Variants in ZFP14 observed in about 807,000 individuals in gnomAD.
ZFP14 encodes zinc finger protein 14 homolog.
A neutral mutation model predicts 54.5 loss-of-function variants in ZFP14; 22 were observed. The observed-to-expected ratio is 0.40, with a 90% CI of 0.29 to 0.58. The LOEUF is 0.58. Among genes scored for constraint, ZFP14 ranks in the 20% least tolerant of loss-of-function variants. The probability of loss-of-function intolerance (pLI) is 0.39; values close to 1 mark genes in which losing one functional copy is unlikely to be tolerated. For missense variants in ZFP14, 470 were observed against 637.8 expected (o/e 0.74, Z 2.83); for synonymous variants, 159 against 204.0 (o/e 0.78, Z 1.88).
rs551670591 is a variant in ZFP14, at chr19:36,353,979, G to A, written c.235+6456C>T. ...AGTCCCAGCTACTTGGGAGGCTGAG[G>A]TGGGACGATCACTTGAACCCAGGAG... On this transcript the variant is annotated intron_variant, in intron 4 of 4. Transcript: ENST00000270001. Among the ~76,000 whole-genome samples the A allele has an allele frequency of 1.2e-4, 17 of 136,392 alleles. 4 individuals carry two copies. Among genetic ancestry groups the A allele is most frequent in the African/African-American group, 4.6e-4 (17 of 37,120 alleles). The allele number at this position is 136,392 out of a possible 152,430, so 89.5% of individuals were successfully genotyped here.
chr19:36,338,639 A>G lies in ZFP14; in HGVS notation c.*1585T>C, dbSNP rs1337878657. On this transcript the variant is annotated 3_prime_UTR_variant, in exon 5 of 5. Coordinates refer to ENST00000270001, the MANE Select transcript of ZFP14 (RefSeq NM_020917.3). ...GGGGACAAAGTGACACCCTGTCTCAAAAAAATTATACATTGGTGCTCTAGC... is the reference window on the plus strand; with the variant it reads ...GGGGACAAAGTGACACCCTGTCTCAGAAAAATTATACATTGGTGCTCTAGC... The G allele has an allele frequency of 6.6e-6, 1 of 152,182 alleles. No homozygotes were observed. The highest frequency in any genetic ancestry group is 6.5e-5 in the Admixed American group (1 of 15,268). 9.4% of individuals were successfully genotyped at this position (152,182 alleles called of 1,614,324 possible).
intron 2 of ZFP14, among the ~76,000 whole-genome samples, chr19:36,365,159 C>T (rs933291538): frequency 6.6e-6 from 1 of 151,892 alleles, no homozygotes; most frequent in African/African-American, 2.4e-5. Context: ...TGAGCCACTA[C>T]ACACGGCCTC....
At chr19:36,361,841 A>G (rs1207665762) in intron 3 of ZFP14, among the ~76,000 whole-genome samples, 1 of 152,172 alleles carries the variant, frequency 6.6e-6, no homozygotes, top group East Asian at 1.9e-4. Context: ...CTGAGCTCCA[A>G]TATAAGGTGA....
At chr19:36,370,152 G>A (rs1467547037) in intron 1 of ZFP14, among the ~76,000 whole-genome samples, 5 of 152,180 alleles carry the variant, frequency 3.3e-5, no homozygotes, top group African/African-American at 7.2e-5. Flanking sequence ...TCGCAGTACT[G>A]GGTTGTAGCA....
At chr19:36,354,469 CT>C (rs1465700005) in intron 4 of ZFP14, among the ~76,000 whole-genome samples, 12 of 141,818 alleles carry the variant, frequency 8.5e-5, no homozygotes, top group Non-Finnish European at 3.1e-5. Flanking sequence ...ACACCTTTCA[CT>C]TACCTTTTGA....
intron 3 of ZFP14, among the ~76,000 whole-genome samples, chr19:36,361,121 C>T (rs1019673759): frequency 1.3e-5 from 2 of 152,202 alleles, no homozygotes; most frequent in African/African-American, 4.8e-5. Flanking sequence ...TTTTTTGAGA[C>T]ATTCCCAGAT....
At position 36,340,080 on chromosome 19, in the gene ZFP14, A is replaced by G. The variant is rs1600063761; in HGVS notation, c.*144T>C. On this transcript the variant is annotated 3_prime_UTR_variant, in exon 5 of 5. Transcript: ENST00000270001. This position sits in a 1 kb window ranked among gnomAD's most constrained non-coding sequence, Gnocchi z 5.4. ...TTTGCTGAAGATAAACCATGTTTAA[A>G]TGGTGTTGGAAGGCTTTTAAATCAA... The G allele has an allele frequency of 2.4e-6, 2 of 822,316 alleles. No individual in the cohort carries two copies. Among genetic ancestry groups the G allele is most frequent in the East Asian group, 2.9e-5 (1 of 34,528 alleles). 50.9% of individuals were successfully genotyped at this position (822,316 alleles called of 1,614,324 possible). A position where few individuals can be genotyped will look rare whatever the true frequency, so the allele number is the denominator to read the frequency against.
chr19:36,361,510 G>A (rs961783492), intron 3 of ZFP14, among the ~76,000 whole-genome samples: 20 of 151,530 alleles, frequency 1.3e-4, no homozygotes, highest in African/African-American at 4.9e-4. Context: ...AAAGTGCTAG[G>A]ATTACAGGCA....
Position 36,337,739 on chromosome 19 carries a change from T to G in ZFP14, c.*2485A>C, listed in dbSNP as rs2031231684. On this transcript the variant is annotated 3_prime_UTR_variant, in exon 5 of 5. Transcript: ENST00000270001. ...GTAGATGGTGGTGTGGACTTCCTAT[T>G]GCATTACGTCAGGAAGTGTGTTGTC... The G allele has an allele frequency of 1.3e-5, 2 of 152,182 alleles. No homozygotes were observed. The allele number at this position is 152,182 out of a possible 1,614,324, so 9.4% of individuals were successfully genotyped here.
At chr19:36,355,840 A>C (rs1427049473) in intron 4 of ZFP14, among the ~76,000 whole-genome samples, 1 of 142,562 alleles carries the variant, frequency 7.0e-6, no homozygotes, top group African/African-American at 2.6e-5. Context: ...TAGAATTGTG[A>C]GAAAATACAT....
intron 1 of ZFP14, chr19:36,378,895 T>G (rs1468442376): frequency 6.6e-6 from 1 of 152,236 alleles, no homozygotes. Context: ...GGAGCTCGGG[T>G]AAAGCTGTGC....
At chr19:36,373,927 G>A (rs201249603) in intron 1 of ZFP14, among the ~76,000 whole-genome samples, 86 of 102,942 alleles carry the variant, frequency 8.4e-4, no homozygotes, top group East Asian at 1.1e-3. Flanking sequence ...AAAAAAAAAA[G>A]AAAAAAATGA....
chr19:36,341,062 G>A lies in ZFP14; in HGVS notation c.764C>T (p.Pro255Leu), dbSNP rs868692182. The change falls in exon 5 of 5, where the codon CCC becomes CTC. Residue 255 changes from proline to leucine, a missense_variant. Coordinates refer to ENST00000270001, the MANE Select transcript of ZFP14 (RefSeq NM_020917.3). The surrounding 1 kb of genome is among the most constrained non-coding windows in gnomAD (Gnocchi z 4.2). ...CTTTCCACATTCCTTACATTCATAGGGTTTTTCACCCGTATGAAGTCTCTG... is the reference window on the plus strand; with the variant it reads ...CTTTCCACATTCCTTACATTCATAGAGTTTTTCACCCGTATGAAGTCTCTG... ...QHQRLHTGEKPYECKECGKAF... is the reference protein window; with the variant it reads ...QHQRLHTGEKLYECKECGKAF... The A allele has an allele frequency of 1.9e-6, 3 of 1,613,750 alleles. No homozygotes were observed. The highest frequency in any genetic ancestry group is 1.7e-6 in the Non-Finnish European group (2 of 1,179,966).
intron 4 of ZFP14, among the ~76,000 whole-genome samples, chr19:36,349,909 T>C (rs2031496338): frequency 7.0e-6 from 1 of 143,008 alleles, no homozygotes; most frequent in South Asian, 2.2e-4. Flanking sequence ...CCCAACACTT[T>C]AGGAGGCCAA....
intron 4 of ZFP14, among the ~76,000 whole-genome samples, chr19:36,357,402 T>G (rs2031633454): frequency 6.6e-6 from 1 of 152,192 alleles, no homozygotes; most frequent in Non-Finnish European, 1.5e-5. Context: ...TACTCCCAAG[T>G]CATAAGTTGG....
At chr19:36,367,744 G>A (rs1453741627) in intron 2 of ZFP14, 140 bp downstream of exon 2, 19 of 947,812 alleles carry the variant, frequency 2.0e-5, no homozygotes, top group Middle Eastern at 3.6e-4. Flanking sequence ...GATTACAGGC[G>A]TGAGCCATTG....
chr19:36,376,544 C>CA (rs990224547), intron 1 of ZFP14, among the ~76,000 whole-genome samples: 11 of 130,946 alleles, frequency 8.4e-5, no homozygotes, highest in African/African-American at 2.0e-4. Flanking sequence ...AACTCTGTCT[C>CA]AAAAAAAAAG....
intron 4 of ZFP14, among the ~76,000 whole-genome samples, chr19:36,342,967 T>A (rs1434719896): frequency 6.6e-6 from 1 of 152,202 alleles, no homozygotes; most frequent in East Asian, 1.9e-4. Flanking sequence ...ATGTGTACCA[T>A]GGGACAGATT....
At chr19:36,352,632 C>T (rs1185373888) in intron 4 of ZFP14, among the ~76,000 whole-genome samples, 1 of 142,154 alleles carries the variant, frequency 7.0e-6, no homozygotes, top group African/African-American at 2.6e-5. Flanking sequence ...ACTGTCTCTA[C>T]AAAAAATGCT....
Sources: gnomAD v4.1 joint callset for allele counts (sites outside exome capture counted in the v4.1 genomes callset) on GRCh38, gnomAD v4.1.1 for gene constraint, Gnocchi (gnomAD v3.1) non-coding constraint, MANE v1.5 for transcripts, NCBI Gene and HGNC (gene_info 2026-07-23, HGNC 2026-07-21) for gene names.